EBF2: variants seen among roughly 807,000 people sequenced by gnomAD.
The protein encoded by EBF2 is transcription factor COE2.
EBF2 carries 21 observed loss-of-function variants against 72.8 expected under a neutral mutation model. The ratio of observed to expected loss-of-function variants is 0.29; its 90% confidence interval spans 0.20 to 0.42. EBF2 has a LOEUF of 0.42. Among genes scored for constraint, EBF2 ranks in the 10% least tolerant of loss-of-function variants. The pLI, the probability that EBF2 is intolerant of heterozygous loss-of-function variation, is 1.00. For synonymous variants in EBF2, 299 were observed against 274.2 expected (o/e 1.09, Z -0.89); for missense variants, 637 against 731.2 (o/e 0.87, Z 1.49).
At chr8:25,983,015 G>A (rs865930475) in intron 6 of EBF2, among the ~76,000 whole-genome samples, 3 of 151,868 alleles carry the variant, frequency 2.0e-5, no homozygotes, top group African/African-American at 4.8e-5. Context: ...GATTCAAAGC[G>A]GTCCAATGAC....
Position 25,900,804 on chromosome 8 carries a change from A to T in EBF2, c.633+7670T>A, listed in dbSNP as rs1466713321. 3.2e-5 allele frequency among the ~76,000 whole-genome samples: 4 copies of T among 125,630 alleles called. No homozygotes were observed. The East Asian group carries it at 7.9e-4, about 25-fold the overall frequency. The allele number at this position is 125,630 out of a possible 152,430, so 82.4% of individuals were successfully genotyped here. A position where few individuals can be genotyped will look rare whatever the true frequency, so the allele number is the denominator to read the frequency against. ...GTATAATAATAATAAAATAAAAAAT[A>T]AAAAAAGTGAGAAAACTAAAAAAAA... On this transcript the variant is annotated intron_variant, in intron 7 of 15. Coordinates refer to ENST00000520164, the MANE Select transcript of EBF2 (RefSeq NM_022659.4).
chr8:25,899,025 C>T (rs540745575), intron 7 of EBF2, among the ~76,000 whole-genome samples: 14 of 152,136 alleles, frequency 9.2e-5, no homozygotes, highest in Non-Finnish European at 1.6e-4. Flanking sequence ...TCATTTCTCA[C>T]CTTATACTTT....
intron 5 of EBF2, among the ~76,000 whole-genome samples, chr8:26,037,991 C>A (rs1359933943): frequency 6.6e-6 from 1 of 152,174 alleles, no homozygotes; most frequent in Non-Finnish European, 1.5e-5. Flanking sequence ...TATGCAATAA[C>A]CCTTGAGAAA....
At chr8:26,028,182 G>C (rs909800762) in intron 6 of EBF2, among the ~76,000 whole-genome samples, 4 of 152,122 alleles carry the variant, frequency 2.6e-5, no homozygotes, top group African/African-American at 9.7e-5. Context: ...AACCCTTCAT[G>C]GGCAAATAAA....
chr8:25,966,294 C>A (rs1804114036), intron 6 of EBF2, among the ~76,000 whole-genome samples: 1 of 152,168 alleles, frequency 6.6e-6, no homozygotes, highest in Non-Finnish European at 1.5e-5. Context: ...TGGCATAAGT[C>A]GCTCAACCCT....
chr8:25,961,982 C>A (rs1402303379), intron 6 of EBF2, among the ~76,000 whole-genome samples: 1 of 152,166 alleles, frequency 6.6e-6, no homozygotes, highest in East Asian at 1.9e-4. Context: ...ACAGTTGTAG[C>A]ATGTCCTTCT....
Position 25,887,923 on chromosome 8 carries a change from T to A in EBF2, c.801A>T (p.Gly267=). Residue 267 remains glycine, a synonymous_variant, in exon 9 of 16, where the codon GGA becomes GGT. Coordinates refer to ENST00000520164, the MANE Select transcript of EBF2 (RefSeq NM_022659.4). ...AISPSEGWTT[G]GAMVIIIGDN... is the part of the protein sequence containing the mutation. ...CCCCGATGATGATGACCATGGCTCCTCCTGTGGTCCAGCCTTCACTCGGGC... is the reference window on the plus strand; with the variant it reads ...CCCCGATGATGATGACCATGGCTCCACCTGTGGTCCAGCCTTCACTCGGGC... 5 of 1,613,868 alleles carry A rather than the reference T, an allele frequency of 3.1e-6. No homozygotes were observed. The highest frequency in any genetic ancestry group is 4.2e-6 in the Non-Finnish European group (5 of 1,179,864).
intron 6 of EBF2, among the ~76,000 whole-genome samples, chr8:25,936,959 C>A (rs927513120): frequency 6.6e-6 from 1 of 151,876 alleles, no homozygotes; most frequent in Non-Finnish European, 1.5e-5. Flanking sequence ...TATTAAAGAC[C>A]GATAAAAAGA....
At chr8:25,957,980 C>T (rs192049249) in intron 6 of EBF2, among the ~76,000 whole-genome samples, 17 of 152,290 alleles carry the variant, frequency 1.1e-4, no homozygotes, top group Admixed American at 9.8e-4. Flanking sequence ...GCAGGCAGAA[C>T]GCAAAAGGCA....
intron 6 of EBF2, among the ~76,000 whole-genome samples, chr8:26,025,912 CAG>C (rs1805296586): frequency 6.6e-6 from 1 of 152,046 alleles, no homozygotes; most frequent in East Asian, 1.9e-4. Context: ...CAGCCCACAC[CAG>C]TAATCACAAC....
chr8:25,980,846 G>A (rs746612952), intron 6 of EBF2, among the ~76,000 whole-genome samples: 35 of 151,738 alleles, frequency 2.3e-4, no homozygotes, highest in Non-Finnish European at 4.4e-4. Context: ...AGCAGTGGGG[G>A]AGGGGTGTCA....
intron 13 of EBF2, 145 bp from the exon 14 acceptor site, chr8:25,858,649 A>C: frequency 9.3e-6 from 2 of 214,056 alleles, no homozygotes; most frequent in Non-Finnish European, 1.7e-5. Flanking sequence ...GTCCATCTTT[A>C]GCTTTTTTTT....
At chr8:25,881,284 G>T (rs528357200) in intron 10 of EBF2, among the ~76,000 whole-genome samples, 1 of 152,310 alleles carries the variant, frequency 6.6e-6, no homozygotes, top group South Asian at 2.1e-4. Context: ...CACCTTTGCA[G>T]CTTGAACACA....
rs540385653 is a variant in EBF2, at chr8:25,984,630, C to T, written c.551+48455G>A. ...CCGGGAGGCGGAGGTTGCAATGAGC[C>T]GACAGGGTGCCACTGCACTCCAGCC... is the stretch of plus-strand genomic sequence containing the variant. On this transcript the variant is annotated intron_variant, in intron 6 of 15. Coordinates refer to ENST00000520164, the MANE Select transcript of EBF2 (RefSeq NM_022659.4). Among the ~76,000 whole-genome samples, 45 of 151,922 alleles carry T rather than the reference C, an allele frequency of 3.0e-4. No homozygotes were observed. In the Middle Eastern group the frequency reaches 0.014, roughly 46 times the overall value.
chr8:25,854,217 T>C (rs1802038683), intron 14 of EBF2, among the ~76,000 whole-genome samples: 1 of 143,930 alleles, frequency 6.9e-6, no homozygotes. Flanking sequence ...TGTCTATTAC[T>C]CTAATACCAA....
intron 6 of EBF2, among the ~76,000 whole-genome samples, chr8:25,919,841 G>C (rs185812598): frequency 5.3e-5 from 8 of 152,240 alleles, no homozygotes; most frequent in Admixed American, 5.2e-4. Context: ...GCTATCTATT[G>C]CAACAACTAA....
chr8:25,855,390 TAAAATTGAA>T (rs1802067540), intron 14 of EBF2, among the ~76,000 whole-genome samples: 1 of 152,124 alleles, frequency 6.6e-6, no homozygotes, highest in Non-Finnish European at 1.5e-5. Flanking sequence ...AGTTTGTATG[TAAAATTGAA>T]AAAACATCTG....
At chr8:25,989,057 C>T (rs1428653814) in intron 6 of EBF2, among the ~76,000 whole-genome samples, 4 of 152,236 alleles carry the variant, frequency 2.6e-5, no homozygotes, top group African/African-American at 4.8e-5. Flanking sequence ...GCAACCTAGG[C>T]TCTGTCACTT....
intron 7 of EBF2, among the ~76,000 whole-genome samples, chr8:25,893,504 C>T (rs1802818422): frequency 1.3e-5 from 2 of 151,990 alleles, no homozygotes; most frequent in African/African-American, 4.8e-5. Context: ...TCTAGAGCTT[C>T]TTACCTTAAG....
Sources: allele counts gnomAD v4.1 joint callset (sites outside exome capture counted in the v4.1 genomes callset), GRCh38; gene constraint gnomAD v4.1.1; transcripts MANE v1.5; gene names NCBI Gene and HGNC (gene_info 2026-07-23, HGNC 2026-07-21).